Variants in CDK19 observed in about 807,000 individuals in gnomAD.
The protein encoded by CDK19 is cyclin dependent kinase 19.
CDK19 carries 20 observed loss-of-function variants against 68.3 expected under a neutral mutation model. The observed-to-expected ratio is 0.29, with a 90% CI of 0.21 to 0.43. CDK19 has a LOEUF of 0.43. CDK19 is among the 20% of genes least tolerant of loss of function. The pLI, the probability that CDK19 is intolerant of heterozygous loss-of-function variation, is 1.00. For missense variants in CDK19, 339 were observed against 623.5 expected (o/e 0.54, Z 4.86); for synonymous variants, 221 against 222.8 (o/e 0.99, Z 0.07).
At chr6:110,641,192 T>G (rs946473092) in intron 4 of CDK19, among the ~76,000 whole-genome samples, 32 of 152,006 alleles carry the variant, frequency 2.1e-4, no homozygotes, top group African/African-American at 7.5e-4. Context: ...AGGTCCATTA[T>G]GTAAAAAGTG....
At chr6:110,679,903 A>G (rs760023195) in intron 2 of CDK19, among the ~76,000 whole-genome samples, 2 of 152,228 alleles carry the variant, frequency 1.3e-5, no homozygotes, top group African/African-American at 2.4e-5. Context: ...CAATGCATAA[A>G]ATGGTACCTA....
intron 4 of CDK19, among the ~76,000 whole-genome samples, chr6:110,653,965 A>G (rs1183851435): frequency 6.6e-6 from 1 of 152,210 alleles, no homozygotes; most frequent in Admixed American, 6.5e-5. Flanking sequence ...CAAAAATATG[A>G]AACTCATAAT....
chr6:110,728,331 C>T (rs1410346153), intron 2 of CDK19, among the ~76,000 whole-genome samples: 1 of 151,554 alleles, frequency 6.6e-6, no homozygotes, highest in Non-Finnish European at 1.5e-5. Flanking sequence ...CACATGCTAT[C>T]TATTAGAAGT....
intron 1 of CDK19, among the ~76,000 whole-genome samples, chr6:110,790,206 A>G (rs779995908): frequency 6.6e-6 from 1 of 152,236 alleles, no homozygotes; most frequent in Non-Finnish European, 1.5e-5. Flanking sequence ...GCTACCCGTA[A>G]GTACATCCAA....
intron 2 of CDK19, among the ~76,000 whole-genome samples, chr6:110,729,199 G>A (rs1776565227): frequency 6.6e-6 from 1 of 152,100 alleles, no homozygotes; most frequent in Non-Finnish European, 1.5e-5. Context: ...ACCTAAATCT[G>A]TCAGGTACTA....
intron 1 of CDK19, chr6:110,814,806 G>A (rs543247855): frequency 2.6e-4 from 182 of 705,306 alleles, no homozygotes; most frequent in South Asian, 2.0e-3. Flanking sequence ...CTGCGCCGCG[G>A]GAGTTCGAGG....
chr6:110,640,256 A>T (rs1241602084), intron 4 of CDK19, among the ~76,000 whole-genome samples: 1 of 135,756 alleles, frequency 7.4e-6, no homozygotes, highest in South Asian at 2.4e-4. Flanking sequence ...AAAAAAAAAA[A>T]TCTGAAAAGG....
At chr6:110,648,434 G>A (rs1472518323) in intron 4 of CDK19, among the ~76,000 whole-genome samples, 1 of 151,638 alleles carries the variant, frequency 6.6e-6, no homozygotes. Flanking sequence ...ATTTTTCAAA[G>A]GTAACACTTC....
chr6:110,728,362 G>GA (rs1562238534), intron 2 of CDK19, among the ~76,000 whole-genome samples: 1 of 151,478 alleles, frequency 6.6e-6, no homozygotes, highest in Non-Finnish European at 1.5e-5. Context: ...GCCAAAGCCA[G>GA]AAAAAACGGA....
At chr6:110,625,995 C>A (rs1320705612) in intron 8 of CDK19, among the ~76,000 whole-genome samples, 1 of 152,164 alleles carries the variant, frequency 6.6e-6, no homozygotes, top group African/African-American at 2.4e-5. Context: ...CATTTCTGCT[C>A]AAAGTAAATG....
intron 2 of CDK19, among the ~76,000 whole-genome samples, chr6:110,685,414 A>G (rs1039863273): frequency 6.6e-6 from 1 of 152,210 alleles, no homozygotes; most frequent in Non-Finnish European, 1.5e-5. Flanking sequence ...TGTCTCTTCT[A>G]TGTTCCCATC....
intron 5 of CDK19, among the ~76,000 whole-genome samples, chr6:110,634,517 C>T (rs1016612934): frequency 6.6e-6 from 1 of 152,226 alleles, no homozygotes; most frequent in Admixed American, 6.5e-5. Flanking sequence ...TGAGCCCGGC[C>T]TGTAGTGATT....
At chr6:110,625,540 G>C (rs778548883) in intron 8 of CDK19, among the ~76,000 whole-genome samples, 5 of 152,028 alleles carry the variant, frequency 3.3e-5, no homozygotes, top group Non-Finnish European at 7.4e-5. Flanking sequence ...GTTTGGTTTT[G>C]AATGTTTGAA....
At chr6:110,645,831 G>A (rs1255934623) in intron 4 of CDK19, 5 of 608,426 alleles carry the variant, frequency 8.2e-6, no homozygotes, top group African/African-American at 7.4e-5. Flanking sequence ...CGCGCACGAC[G>A]CGCCGCGCTT....
intron 4 of CDK19, among the ~76,000 whole-genome samples, chr6:110,652,575 C>T (rs113975991): frequency 5.9e-5 from 9 of 152,170 alleles, no homozygotes; most frequent in South Asian, 2.1e-4. Flanking sequence ...AAAAACACTA[C>T]GAAGTATGAG....
intron 1 of CDK19, among the ~76,000 whole-genome samples, chr6:110,787,456 T>C (rs184939047): frequency 6.6e-6 from 1 of 152,246 alleles, no homozygotes; most frequent in African/African-American, 2.4e-5. Context: ...TTTTTTTGTT[T>C]TGGAGAGGGG....
At chr6:110,704,498 C>A (rs943765273) in intron 2 of CDK19, among the ~76,000 whole-genome samples, 1 of 152,158 alleles carries the variant, frequency 6.6e-6, no homozygotes. Context: ...TCTTAATGAT[C>A]TCTCACTCTT....
At chr6:110,622,311 G>T in intron 10 of CDK19, 145 bp from the exon 11 acceptor site, 1 of 607,638 alleles carries the variant, frequency 1.6e-6, no homozygotes, top group Non-Finnish European at 2.9e-6. Context: ...ACTGCTGCTA[G>T]CTAGTTGACA....
At chr6:110,781,299 T>G (rs1780798805) in intron 1 of CDK19, among the ~76,000 whole-genome samples, 1 of 151,932 alleles carries the variant, frequency 6.6e-6, no homozygotes, top group African/African-American at 2.4e-5. Context: ...AGGAGGGATA[T>G]CCCAGATTCT....
Sources: gnomAD v4.1 joint callset for allele counts (sites outside exome capture counted in the v4.1 genomes callset) on GRCh38, gnomAD v4.1.1 for gene constraint, MANE v1.5 for transcripts, NCBI Gene and HGNC (gene_info 2026-07-23, HGNC 2026-07-21) for gene names.